The following SGCZ variants were observed in gnomAD, a reference collection of about 807,000 sequenced individuals.
SGCZ encodes the protein zeta-sarcoglycan.
SGCZ carries 40 observed loss-of-function variants against 41.3 expected under a neutral mutation model. The ratio of observed to expected loss-of-function variants is 0.97; its 90% confidence interval spans 0.75 to 1.26. The LOEUF is 1.26. Ranked by LOEUF, SGCZ falls within the 50% of genes most tolerant of loss-of-function variation. The pLI is 0.00. For synonymous variants in SGCZ, 206 were observed against 137.5 expected, an observed-to-expected ratio of 1.50 and a Z score of -3.49; for missense variants, 552 against 369.8, an observed-to-expected ratio of 1.49 and a Z score of -4.04.
At chr8:14,683,690 A>C (rs1808517382) in intron 1 of SGCZ, among the ~76,000 whole-genome samples, 1 of 152,168 alleles carries the variant, frequency 6.6e-6, no homozygotes, top group Non-Finnish European at 1.5e-5. Flanking sequence ...AACATAGTAC[A>C]AGTGTATAAT....
chr8:14,581,894 C>A (rs186698704), intron 1 of SGCZ, among the ~76,000 whole-genome samples: 2 of 152,250 alleles, frequency 1.3e-5, no homozygotes, highest in African/African-American at 4.8e-5. Context: ...ATTTCATGGA[C>A]ACACTTATAA....
chr8:14,867,930 A>C (rs1460319188), intron 1 of SGCZ, among the ~76,000 whole-genome samples: 1 of 151,998 alleles, frequency 6.6e-6, no homozygotes, highest in Non-Finnish European at 1.5e-5. Context: ...AAAAAAAAAA[A>C]AGCCTGAAGA....
At chr8:14,633,091 T>C (rs1334193061) in intron 1 of SGCZ, among the ~76,000 whole-genome samples, 1 of 152,010 alleles carries the variant, frequency 6.6e-6, no homozygotes, top group East Asian at 1.9e-4. Flanking sequence ...GTCACAGCAA[T>C]GGTATTTGCA....
At chr8:14,295,559 A>T (rs548956993) in intron 3 of SGCZ, among the ~76,000 whole-genome samples, 1 of 152,244 alleles carries the variant, frequency 6.6e-6, no homozygotes, top group African/African-American at 2.4e-5. Flanking sequence ...TCTAGTTTTC[A>T]TGGAGTAAGT....
chr8:14,129,332 C>T (rs1007983660), intron 5 of SGCZ, among the ~76,000 whole-genome samples: 28 of 109,332 alleles, frequency 2.6e-4, no homozygotes, highest in Non-Finnish European at 2.2e-4. Context: ...GGTGACAGAG[C>T]GAGACTCCGT....
intron 3 of SGCZ, among the ~76,000 whole-genome samples, chr8:14,260,092 A>C (rs1799602449): frequency 6.6e-6 from 1 of 152,052 alleles, no homozygotes; most frequent in Non-Finnish European, 1.5e-5. Context: ...ATGGGAGTTC[A>C]CTCATGATTT....
intron 1 of SGCZ, among the ~76,000 whole-genome samples, chr8:14,822,354 A>G (rs1802129940): frequency 6.6e-6 from 1 of 152,228 alleles, no homozygotes. Flanking sequence ...AATTAAGTGT[A>G]AAGATATTCC....
At chr8:14,141,632 G>C (rs2200420) in intron 5 of SGCZ, among the ~76,000 whole-genome samples, 1 of 152,190 alleles carries the variant, frequency 6.6e-6, no homozygotes, top group Non-Finnish European at 1.5e-5. Flanking sequence ...TCTTACACCA[G>C]TTAGAATGGC....
At chr8:14,635,838 G>A (rs543632519) in intron 1 of SGCZ, among the ~76,000 whole-genome samples, 22 of 151,870 alleles carry the variant, frequency 1.4e-4, no homozygotes, top group Non-Finnish European at 2.5e-4. Flanking sequence ...GATAGAATGA[G>A]AGAAAAGTAG....
chr8:14,557,409 T>C (rs1563409242), intron 1 of SGCZ, among the ~76,000 whole-genome samples: 1 of 152,022 alleles, frequency 6.6e-6, no homozygotes, highest in South Asian at 2.1e-4. Flanking sequence ...GTTCCTTTTG[T>C]AATGCAAAAG....
chr8:15,097,062 T>A (rs1162325704), intron 1 of SGCZ, among the ~76,000 whole-genome samples: 2 of 152,110 alleles, frequency 1.3e-5, no homozygotes, highest in Non-Finnish European at 2.9e-5. Context: ...GTGCTCCTCC[T>A]GCCTCAGCCT....
chr8:14,925,457 G>A (rs1021368650), intron 1 of SGCZ, among the ~76,000 whole-genome samples: 4 of 152,138 alleles, frequency 2.6e-5, no homozygotes, highest in African/African-American at 9.7e-5. Context: ...AAATGTCCAG[G>A]ACTTGACCTA....
Position 14,230,302 on chromosome 8 carries a change from G to C in SGCZ, c.424+7290C>G, listed in dbSNP as rs546108627. Among the ~76,000 whole-genome samples, 331 of 152,202 alleles carry C rather than the reference G, an allele frequency of 2.2e-3. 3 individuals are homozygous for C. The highest frequency in any genetic ancestry group is 7.6e-3 in the African/African-American group (317 of 41,534). ...TCCCAGAGACTTGGTCATGTGTATA[G>C]AGTAGTACACATGCAGTGTGAACAA... On this transcript the variant is annotated intron_variant, in intron 4 of 7. Coordinates refer to ENST00000382080, the MANE Select transcript of SGCZ (RefSeq NM_139167.4).
At chr8:14,698,539 T>C (rs1003757447) in intron 1 of SGCZ, among the ~76,000 whole-genome samples, 39 of 151,940 alleles carry the variant, frequency 2.6e-4, no homozygotes, top group Admixed American at 3.9e-4. Flanking sequence ...TATAGAAATT[T>C]AGCATGAGAC....
intron 1 of SGCZ, among the ~76,000 whole-genome samples, chr8:14,618,823 C>A (rs960103551): frequency 6.6e-6 from 1 of 152,032 alleles, no homozygotes; most frequent in Non-Finnish European, 1.5e-5. Flanking sequence ...CATTCCTTAA[C>A]AATTCCGATG....
intron 5 of SGCZ, among the ~76,000 whole-genome samples, chr8:14,155,544 A>C (rs1018109535): frequency 3.9e-5 from 6 of 152,140 alleles, no homozygotes; most frequent in Non-Finnish European, 7.3e-5. Flanking sequence ...TGAGATAAAT[A>C]CTACTCAGAT....
At chr8:14,724,337 T>A (rs1043093583) in intron 1 of SGCZ, among the ~76,000 whole-genome samples, 2 of 151,896 alleles carry the variant, frequency 1.3e-5, no homozygotes, top group Admixed American at 1.3e-4. Flanking sequence ...GTTCTAATTA[T>A]TTTTTTCCTA....
chr8:14,633,465 C>T (rs1248612175), intron 1 of SGCZ, among the ~76,000 whole-genome samples: 2 of 151,900 alleles, frequency 1.3e-5, no homozygotes, highest in Non-Finnish European at 2.9e-5. Flanking sequence ...TAAGTTATTT[C>T]AGCAAAATAA....
chr8:14,464,401 G>T (rs868262138), intron 2 of SGCZ, among the ~76,000 whole-genome samples: 2 of 150,572 alleles, frequency 1.3e-5, no homozygotes, highest in East Asian at 3.9e-4. Flanking sequence ...ACAGTTGCAT[G>T]TAGGACTCTT....
Sources: allele counts gnomAD v4.1 joint callset (sites outside exome capture counted in the v4.1 genomes callset), GRCh38; gene constraint gnomAD v4.1.1; transcripts MANE v1.5; gene names NCBI Gene and HGNC (gene_info 2026-07-23, HGNC 2026-07-21).